TBCD: variants seen among roughly 807,000 people sequenced by gnomAD.
TBCD encodes tubulin-specific chaperone D.
In TBCD, 105 loss-of-function variants were observed where a neutral mutation model predicts 169.3. That is an observed-to-expected ratio of 0.62 (90% CI 0.53 to 0.73). TBCD has a LOEUF of 0.73. Ranked by LOEUF, TBCD falls within the 30% of genes least tolerant of loss-of-function variation. The pLI is 0.00. For synonymous variants in TBCD, 700 were observed against 643.9 expected, an observed-to-expected ratio of 1.09 and a Z score of -1.32; for missense variants, 1,444 against 1,600.1, an observed-to-expected ratio of 0.90 and a Z score of 1.66.
chr17:82,928,523 C>T (rs2061945625), intron 30 of TBCD, among the ~76,000 whole-genome samples: 1 of 151,558 alleles, frequency 6.6e-6, no homozygotes, highest in African/African-American at 2.4e-5. Flanking sequence ...AGGCCCTGCC[C>T]TTGCGGATCT....
rs773981424 is a variant in TBCD at position 82,831,996 on chromosome 17, C to T, written c.1318+17062C>T. The T allele has an allele frequency of 1.2e-5, 20 of 1,612,896 alleles. No homozygotes were observed. Among genetic ancestry groups the T allele is most frequent in the Non-Finnish European group, 1.6e-5 (19 of 1,179,118 alleles). ...ATGCAGAAGGCCGAGCTGCGCCTTC[C>T]AGAGCAGGCTGGGCACCGAGGGCGG... On this transcript the variant is annotated intron_variant, in intron 13 of 38. Transcript: ENST00000355528. The surrounding 1 kb of genome is among the most constrained non-coding windows in gnomAD (Gnocchi z 4.6).
chr17:82,785,633 C>T (rs1312803817), intron 7 of TBCD, among the ~76,000 whole-genome samples: 3 of 50,094 alleles, frequency 6.0e-5, no homozygotes, highest in Admixed American at 1.7e-4. Flanking sequence ...CCCATCGCAG[C>T]GGGAGGGGGG....
chr17:82,928,037 C>T (rs1375492646), intron 30 of TBCD, 49 bp downstream of exon 30: 1 of 1,565,724 alleles, frequency 6.4e-7, no homozygotes, highest in Non-Finnish European at 8.7e-7. Context: ...CAGCCCCGAG[C>T]TTGGGGAGGC....
Position 82,789,293 on chromosome 17 carries a change from C to T in TBCD, c.771+7572C>T, listed in dbSNP as rs1454610962. ...GGCGGGCACAGTGCCGTGAGTCTTA[C>T]AGAAACCTGCATGGTGAGCCGCACG... On this transcript the variant is annotated intron_variant, in intron 7 of 38. Transcript: ENST00000355528. The surrounding 1 kb of genome is among the most constrained non-coding windows in gnomAD (Gnocchi z 4.8). Among the ~76,000 whole-genome samples the T allele has an allele frequency of 6.6e-6, 1 of 152,236 alleles. No individual in the cohort carries two copies. The highest frequency in any genetic ancestry group is 1.9e-4 in the East Asian group (1 of 5,196).
Position 82,893,614 on chromosome 17 carries a change from A to G in TBCD, c.1631A>G (p.Asn544Ser), listed in dbSNP as rs981956963. The change falls in exon 17 of 39, where the codon AAC (asparagine) becomes AGC (serine). Residue 544 changes from asparagine to serine, a missense_variant. Asn to Ser is a conservative substitution (Grantham distance 46). Coordinates refer to ENST00000355528, the MANE Select transcript of TBCD (RefSeq NM_005993.5). The stretch of plus-strand genomic sequence containing the variant: ...TATTTTGCCGTCGGTAACAGATCCA[A>G]CTGTTTCCTGGTTATAAGGTAAGTC... ...ADYFAVGNRS[N>S]CFLVISVFIA... 8 of 1,609,226 alleles carry G rather than the reference A, an allele frequency of 5.0e-6. 1 individual carries two copies. The highest frequency in any genetic ancestry group is 2.2e-5 in the East Asian group (1 of 44,844).
intron 13 of TBCD, among the ~76,000 whole-genome samples, chr17:82,847,874 G>A (rs961748781): frequency 1.3e-5 from 2 of 152,190 alleles, no homozygotes; most frequent in Non-Finnish European, 2.9e-5. Context: ...ACCCTCCTCG[G>A]CCTCCCAAAG....
chr17:82,805,820 T>G, intron 9 of TBCD, 55 bp from the exon 10 acceptor site: 1 of 1,558,028 alleles, frequency 6.4e-7, no homozygotes, highest in Non-Finnish European at 8.7e-7. Context: ...CTGGTTCCAG[T>G]CATCAGGATG....
In TBCD at chr17:82,920,717, T is replaced by A; in HGVS notation, c.2101+99T>A. The A allele has an allele frequency of 9.4e-7, 1 of 1,067,074 alleles. No homozygotes were observed. Among genetic ancestry groups the A allele is most frequent in the Non-Finnish European group, 1.4e-6 (1 of 735,804 alleles). 66.1% of individuals were successfully genotyped at this position (1,067,074 alleles called of 1,614,324 possible). ...TTAGGATGGGGGCGATAAACGATTATAGCTTAAAGGTTCAAGATATTAATC... is the reference window on the plus strand; with the variant it reads ...TTAGGATGGGGGCGATAAACGATTAAAGCTTAAAGGTTCAAGATATTAATC... On this transcript the variant is annotated intron_variant, in intron 24 of 38. Transcript: ENST00000355528. The surrounding 1 kb of genome is among the most constrained non-coding windows in gnomAD (Gnocchi z 4.1).
intron 13 of TBCD, among the ~76,000 whole-genome samples, chr17:82,869,134 T>C (rs946510682): frequency 6.6e-6 from 1 of 152,238 alleles, no homozygotes; most frequent in African/African-American, 2.4e-5. Flanking sequence ...TCCGTGGGTC[T>C]CCATTGCTGG....
intron 17 of TBCD, among the ~76,000 whole-genome samples, chr17:82,897,883 G>A (rs937181027): frequency 2.6e-5 from 4 of 152,284 alleles, no homozygotes; most frequent in South Asian, 2.1e-4. Flanking sequence ...GTGAGCACAC[G>A]GCACAGCTCT....
chr17:82,819,989 C>G (rs375445512), intron 13 of TBCD, among the ~76,000 whole-genome samples: 2 of 118,378 alleles, frequency 1.7e-5, no homozygotes, highest in African/African-American at 3.2e-5. Context: ...TTTTTTTTTT[C>G]TTTTTTTGAG....
chr17:82,894,596 C>G (rs190060302), intron 17 of TBCD, among the ~76,000 whole-genome samples: 103 of 152,346 alleles, frequency 6.8e-4, no homozygotes, highest in African/African-American at 2.4e-3. Flanking sequence ...ACACACTTAT[C>G]TGTATTTTTA....
At chr17:82,893,361 G>A (rs561573544) in intron 16 of TBCD, among the ~76,000 whole-genome samples, 186 bp from the exon 17 acceptor site, 2 of 152,352 alleles carry the variant, frequency 1.3e-5, no homozygotes, top group South Asian at 2.1e-4. Context: ...TGGGTAGACC[G>A]TCAGGAAGTC....
At chr17:82,778,889 T>A (rs1199347823) in intron 6 of TBCD, among the ~76,000 whole-genome samples, 1 of 152,214 alleles carries the variant, frequency 6.6e-6, no homozygotes, top group Non-Finnish European at 1.5e-5. Flanking sequence ...CTCAAACTCC[T>A]GACCTCAGGT....
chr17:82,867,982 C>T lies in TBCD; in HGVS notation c.1319-2242C>T, dbSNP rs942963307. ...GTGCTTTGCGGGAGGGAGTCATGGC[C>T]GAGAGAGGGAACGCAGAGCTGCCGT... On this transcript the variant is annotated intron_variant, in intron 13 of 38. Coordinates refer to ENST00000355528, the MANE Select transcript of TBCD (RefSeq NM_005993.5). Among the ~76,000 whole-genome samples the T allele has an allele frequency of 5.9e-5, 9 of 152,150 alleles. No homozygotes were observed. The South Asian group carries it at 6.2e-4, about 11-fold the overall frequency.
chr17:82,789,793 G>A lies in TBCD; in HGVS notation c.772-7964G>A, dbSNP rs1487940936. ...TCTCGAGCCCTCCTTCTGTGGACCCGTTGGGTACACGTGTGACACTTCAGA... is the reference window on the plus strand; with the variant it reads ...TCTCGAGCCCTCCTTCTGTGGACCCATTGGGTACACGTGTGACACTTCAGA... On this transcript the variant is annotated intron_variant, in intron 7 of 38. Coordinates refer to ENST00000355528, the MANE Select transcript of TBCD (RefSeq NM_005993.5). This position sits in a 1 kb window ranked among gnomAD's most constrained non-coding sequence, Gnocchi z 4.8. Among the ~76,000 whole-genome samples the A allele has an allele frequency of 2.6e-5, 4 of 152,116 alleles. No homozygotes were observed. The highest frequency in any genetic ancestry group is 7.2e-5 in the African/African-American group (3 of 41,420).
intron 35 of TBCD, 76 bp from the exon 36 acceptor site, chr17:82,937,973 C>A: frequency 6.3e-7 from 1 of 1,585,310 alleles, no homozygotes; most frequent in Non-Finnish European, 8.6e-7. Flanking sequence ...TCTGCATGGG[C>A]CTTTGGGTCC....
At chr17:82,781,983 G>T (rs3744163) in intron 7 of TBCD, among the ~76,000 whole-genome samples, 1 of 152,064 alleles carries the variant, frequency 6.6e-6, no homozygotes, top group African/African-American at 2.4e-5. Flanking sequence ...CCACGCAGCC[G>T]GGGCTCCCCA....
chr17:82,924,909 C>T, intron 26 of TBCD, 30 bp from the exon 27 acceptor site: 1 of 1,526,618 alleles, frequency 6.6e-7, no homozygotes. Context: ...CAGCAGAGGG[C>T]CTCTCTTCAC....
Sources: allele counts gnomAD v4.1 joint callset (sites outside exome capture counted in the v4.1 genomes callset), GRCh38; gene constraint gnomAD v4.1.1; non-coding constraint Gnocchi (gnomAD v3.1); transcripts MANE v1.5; gene names NCBI Gene and HGNC (gene_info 2026-07-23, HGNC 2026-07-21).